Variants in METTL24 observed in about 807,000 individuals in gnomAD.
The protein encoded by METTL24 is probable methyltransferase-like protein 24.
Under a neutral mutation model 32.7 loss-of-function variants are expected in METTL24, and 29 were observed. The observed-to-expected ratio is 0.89, with a 90% CI of 0.66 to 1.21. The LOEUF (loss-of-function observed/expected upper bound fraction) is 1.21, where lower values mean the gene tolerates loss of function less well. Ranked by LOEUF, METTL24 falls within the 50% of genes most tolerant of loss-of-function variation. The pLI is 0.00. For missense variants in METTL24, 439 were observed against 468.1 expected (o/e 0.94, Z 0.57); for synonymous variants, 163 against 179.5 (o/e 0.91, Z 0.73).
chr6:110,357,465 G>A lies in METTL24; in HGVS notation c.318+490C>T, dbSNP rs576122480. 2.6e-5 allele frequency: 4 copies of A among 152,362 alleles called. No individual in the cohort carries two copies. In the East Asian group the frequency reaches 7.7e-4, roughly 30 times the overall value. 9.4% of individuals were successfully genotyped at this position (152,362 alleles called of 1,614,324 possible). ...CTCCAGGGAAATTCGGCCAGCTGGT[G>A]GATCTTCAGCGAGATGAAGGCAGTG... On this transcript the variant is annotated intron_variant, in intron 1 of 4. Coordinates refer to ENST00000338882, the MANE Select transcript of METTL24 (RefSeq NM_001123364.3).
intron 4 of METTL24, among the ~76,000 whole-genome samples, chr6:110,265,879 T>C (rs943298246): frequency 2.6e-5 from 3 of 115,384 alleles, no homozygotes; most frequent in Admixed American, 8.5e-5. Context: ...CTCCTCCTTC[T>C]TCCTCTTCCT....
intron 4 of METTL24, among the ~76,000 whole-genome samples, chr6:110,253,281 G>A (rs1035377040): frequency 3.3e-5 from 5 of 152,218 alleles, no homozygotes; most frequent in Admixed American, 2.6e-4. Context: ...CCTTCAACTG[G>A]CTTCAACTGC....
chr6:110,261,613 G>T (rs570182501), intron 4 of METTL24, among the ~76,000 whole-genome samples: 1 of 152,238 alleles, frequency 6.6e-6, no homozygotes, highest in South Asian at 2.1e-4. Context: ...GCGCCAAGTG[G>T]ACCTAATAGA....
chr6:110,346,071 C>G (rs1430246465), intron 1 of METTL24, among the ~76,000 whole-genome samples: 1 of 152,232 alleles, frequency 6.6e-6, no homozygotes, highest in Non-Finnish European at 1.5e-5. Flanking sequence ...GTTCTGCAGC[C>G]ACTGTTACCT....
intron 1 of METTL24, among the ~76,000 whole-genome samples, chr6:110,331,078 G>A (rs1257977443): frequency 6.6e-6 from 1 of 152,188 alleles, no homozygotes; most frequent in Non-Finnish European, 1.5e-5. Context: ...GAAATAGGAA[G>A]CATAGGGAGC....
At chr6:110,298,017 G>GGGA (rs983419576) in intron 4 of METTL24, among the ~76,000 whole-genome samples, 1 of 151,842 alleles carries the variant, frequency 6.6e-6, no homozygotes, top group Non-Finnish European at 1.5e-5. Flanking sequence ...GGAGGAAGAG[G>GGGA]GGAGGAGGAG....
In METTL24 at chr6:110,315,409, A is replaced by G. The variant is rs574721491; in HGVS notation, c.490T>C (p.Cys164Arg). 1 of 1,614,224 alleles carries G rather than the reference A, an allele frequency of 6.2e-7. No homozygotes were observed. The highest frequency in any genetic ancestry group is 1.1e-5 in the South Asian group (1 of 91,088). ...SSPTHKPWSV[C>R]LDDRFNLAHQ... ...GCTAAATTGAACCTGTCGTCAAGAC[A>G]CACTGACCAGGGCTTGTGTGTAGGA... Residue 164 changes from cysteine to arginine, a missense_variant, in exon 3 of 5, where the codon TGT becomes CGT. Physicochemically the swap from Cys to Arg is radical, Grantham distance 180 (BLOSUM62 -3). Coordinates refer to ENST00000338882, the MANE Select transcript of METTL24 (RefSeq NM_001123364.3).
At chr6:110,318,735 C>T (rs1771875208) in intron 2 of METTL24, among the ~76,000 whole-genome samples, 2 of 150,550 alleles carry the variant, frequency 1.3e-5, no homozygotes, top group African/African-American at 4.9e-5. Flanking sequence ...ATTTATTAAA[C>T]ACCTCATTGA....
chr6:110,353,189 T>C (rs542691339), intron 1 of METTL24, among the ~76,000 whole-genome samples: 2 of 152,360 alleles, frequency 1.3e-5, no homozygotes, highest in Admixed American at 1.3e-4. Context: ...CTGGAGCTTA[T>C]TCAATTACCC....
chr6:110,264,065 G>A (rs1770806855), intron 4 of METTL24, among the ~76,000 whole-genome samples: 1 of 151,896 alleles, frequency 6.6e-6, no homozygotes, highest in Non-Finnish European at 1.5e-5. Flanking sequence ...GCATGGGCAA[G>A]GACTTCATGT....
chr6:110,335,566 GTTTTTTTTTT>G (rs527344096), intron 1 of METTL24, among the ~76,000 whole-genome samples: 4 of 66,138 alleles, frequency 6.0e-5, no homozygotes, highest in Admixed American at 3.5e-4. Context: ...GGGAATCATT[GTTTTTTTTTT>G]TTTTTTTTTT....
intron 3 of METTL24, among the ~76,000 whole-genome samples, chr6:110,304,730 A>T (rs1771597527): frequency 6.6e-6 from 1 of 152,104 alleles, no homozygotes; most frequent in African/African-American, 2.4e-5. Context: ...AATGGAAAAC[A>T]CTTCAGGATA....
At chr6:110,295,001 TTTTC>T (rs1562228243) in intron 4 of METTL24, among the ~76,000 whole-genome samples, 1 of 149,232 alleles carries the variant, frequency 6.7e-6, no homozygotes, top group African/African-American at 2.5e-5. Context: ...GCTTTTCTTT[TTTTC>T]TTTCTTTCTT....
chr6:110,281,224 A>G (rs181693309), intron 4 of METTL24, among the ~76,000 whole-genome samples: 1 of 152,324 alleles, frequency 6.6e-6, no homozygotes, highest in Admixed American at 6.5e-5. Context: ...GCTAAATAAG[A>G]TGAGAAAGTT....
chr6:110,257,582 C>T (rs919789085), intron 4 of METTL24, among the ~76,000 whole-genome samples: 12 of 152,088 alleles, frequency 7.9e-5, no homozygotes, highest in South Asian at 6.2e-4. Flanking sequence ...CGAGATGGCT[C>T]GTAAAAACAC....
chr6:110,334,823 G>A (rs1772181658), intron 1 of METTL24, among the ~76,000 whole-genome samples: 4 of 152,038 alleles, frequency 2.6e-5, no homozygotes, highest in Admixed American at 2.0e-4. Context: ...CTACTCTCTT[G>A]CCATTTGACA....
intron 4 of METTL24, among the ~76,000 whole-genome samples, chr6:110,249,294 A>G (rs1450039145): frequency 1.3e-5 from 2 of 152,074 alleles, no homozygotes; most frequent in African/African-American, 4.8e-5. Flanking sequence ...TCCAATTTTC[A>G]TTTATAAAAT....
intron 2 of METTL24, among the ~76,000 whole-genome samples, chr6:110,318,608 C>T (rs956422534): frequency 1.6e-4 from 23 of 147,060 alleles, no homozygotes; most frequent in Non-Finnish European, 2.7e-4. Flanking sequence ...GCCGAGATTG[C>T]GCCACTGCAC....
At chr6:110,319,894 C>T (rs1326047641) in intron 2 of METTL24, among the ~76,000 whole-genome samples, 1 of 152,140 alleles carries the variant, frequency 6.6e-6, no homozygotes, top group Non-Finnish European at 1.5e-5. Context: ...TGTCCTATGC[C>T]CTATGCCTCT....
Sources: allele counts gnomAD v4.1 joint callset (sites outside exome capture counted in the v4.1 genomes callset), GRCh38; gene constraint gnomAD v4.1.1; transcripts MANE v1.5; gene names NCBI Gene and HGNC (gene_info 2026-07-23, HGNC 2026-07-21).